Variants in BAALC observed in about 807,000 individuals in gnomAD.
BAALC encodes the protein BAALC binder of MAP3K1 and KLF4.
BAALC carries 9 observed loss-of-function variants against 15.5 expected under a neutral mutation model. The observed-to-expected ratio is 0.58, with a 90% CI of 0.35 to 1.02. The LOEUF (loss-of-function observed/expected upper bound fraction) is 1.02. Among genes scored for constraint, BAALC ranks in the 50% least tolerant of loss-of-function variants. BAALC has a pLI of 0.02. For synonymous variants in BAALC, 80 were observed against 74.6 expected (o/e 1.07, Z -0.37); for missense variants, 201 against 192.4 (o/e 1.04, Z -0.27).
intron 1 of BAALC, among the ~76,000 whole-genome samples, chr8:103,147,538 C>T (rs529210291): frequency 2.5e-4 from 38 of 152,130 alleles, no homozygotes; most frequent in African/African-American, 9.2e-4. Flanking sequence ...AGAAAGGGGT[C>T]TTTTCCTGGC....
intron 1 of BAALC, among the ~76,000 whole-genome samples, chr8:103,149,578 G>A (rs1810940545): frequency 6.6e-6 from 1 of 152,192 alleles, no homozygotes; most frequent in Non-Finnish European, 1.5e-5. Flanking sequence ...TATACGTGAA[G>A]GTGATGTTTA....
intron 1 of BAALC, among the ~76,000 whole-genome samples, chr8:103,171,190 G>T (rs944940303): frequency 1.3e-5 from 2 of 149,742 alleles, no homozygotes; most frequent in African/African-American, 4.9e-5. Context: ...GGGAGAGAGG[G>T]AGGGAGGAAG....
At chr8:103,188,121 A>G (rs1381773876) in intron 1 of BAALC, among the ~76,000 whole-genome samples, 1 of 152,108 alleles carries the variant, frequency 6.6e-6, no homozygotes, top group Non-Finnish European at 1.5e-5. Context: ...AAGTCACCTG[A>G]TGTCATGGAC....
At chr8:103,156,061 G>A (rs1216917090) in intron 1 of BAALC, among the ~76,000 whole-genome samples, 5 of 152,138 alleles carry the variant, frequency 3.3e-5, no homozygotes, top group African/African-American at 9.7e-5. Context: ...ATGAATGAGC[G>A]TGTCTGTGTT....
At chr8:103,194,414 A>C (rs1812044514) in intron 1 of BAALC, among the ~76,000 whole-genome samples, 1 of 152,208 alleles carries the variant, frequency 6.6e-6, no homozygotes, top group Non-Finnish European at 1.5e-5. Context: ...ATGTGAATTT[A>C]TCATTTTCTC....
intron 1 of BAALC, among the ~76,000 whole-genome samples, chr8:103,167,900 G>T (rs549345649): frequency 6.6e-6 from 1 of 152,266 alleles, no homozygotes; most frequent in East Asian, 1.9e-4. Context: ...ATCAAATATA[G>T]CTTCTGTTTT....
intron 1 of BAALC, among the ~76,000 whole-genome samples, chr8:103,207,660 G>A (rs905537755): frequency 6.6e-6 from 1 of 152,166 alleles, no homozygotes; most frequent in Non-Finnish European, 1.5e-5. Flanking sequence ...GGCAGGGGGA[G>A]GGGGCAGGTG....
chr8:103,155,610 G>A (rs575809657), intron 1 of BAALC, among the ~76,000 whole-genome samples: 1 of 152,186 alleles, frequency 6.6e-6, no homozygotes, highest in Non-Finnish European at 1.5e-5. Flanking sequence ...ATCCTTTAGC[G>A]GCTAACTCTC....
chr8:103,161,399 A>G (rs1399441266), intron 1 of BAALC, among the ~76,000 whole-genome samples: 1 of 152,072 alleles, frequency 6.6e-6, no homozygotes, highest in Non-Finnish European at 1.5e-5. Context: ...TACTATACCT[A>G]CTGTTCTGTC....
At chr8:103,169,665 G>A (rs922840529) in intron 1 of BAALC, among the ~76,000 whole-genome samples, 4 of 152,200 alleles carry the variant, frequency 2.6e-5, no homozygotes, top group Admixed American at 1.3e-4. Flanking sequence ...CCTACCTGGA[G>A]GGCACATGCC....
At chr8:103,172,270 T>C (rs1224908961) in intron 1 of BAALC, 1 of 151,988 alleles carries the variant, frequency 6.6e-6, no homozygotes, top group African/African-American at 2.4e-5. Flanking sequence ...TGGTTGTTGG[T>C]GAATTACAAC....
intron 1 of BAALC, among the ~76,000 whole-genome samples, chr8:103,168,391 C>T (rs975933644): frequency 3.3e-5 from 5 of 152,146 alleles, no homozygotes; most frequent in South Asian, 2.1e-4. Context: ...TAGCATAACT[C>T]GGTTAGATCA....
At chr8:103,154,815 G>T (rs1402891911) in intron 1 of BAALC, 2 of 154,238 alleles carry the variant, frequency 1.3e-5, no homozygotes, top group East Asian at 3.9e-4. Flanking sequence ...CTATTATACT[G>T]TATACTCTTA....
intron 1 of BAALC, among the ~76,000 whole-genome samples, chr8:103,155,685 T>A (rs1193469996): frequency 6.6e-6 from 1 of 152,222 alleles, no homozygotes; most frequent in Admixed American, 6.5e-5. Context: ...ACCTTACTCA[T>A]CTTTCTGCTT....
intron 1 of BAALC, among the ~76,000 whole-genome samples, chr8:103,182,698 G>T (rs1210025394): frequency 6.6e-6 from 1 of 152,188 alleles, no homozygotes; most frequent in Non-Finnish European, 1.5e-5. Flanking sequence ...AACTGACCAG[G>T]AATTCCTGGG....
rs566764088 is a variant in BAALC, at chr8:103,158,744, A to T, written c.160+17687A>T. Among the ~76,000 whole-genome samples the T allele has an allele frequency of 3.9e-5, 6 of 152,332 alleles. No individual in the cohort carries two copies. In the South Asian group the frequency reaches 1.2e-3, roughly 32 times the overall value. Reference sequence around the variant, plus strand: ...CCAGGCGAGACAAAGCAGGACAGCAAGATATTTCATCATGCTACTCAGAAT... The same window carrying T: ...CCAGGCGAGACAAAGCAGGACAGCATGATATTTCATCATGCTACTCAGAAT... On this transcript the variant is annotated intron_variant, in intron 1 of 2. Coordinates refer to ENST00000309982, the MANE Select transcript of BAALC (RefSeq NM_024812.3).
intron 1 of BAALC, among the ~76,000 whole-genome samples, chr8:103,160,332 GT>G (rs1191989424): frequency 6.6e-6 from 1 of 152,156 alleles, no homozygotes; most frequent in Admixed American, 6.6e-5. Flanking sequence ...TATGCCCTAT[GT>G]AAATGGAGAG....
intron 1 of BAALC, among the ~76,000 whole-genome samples, chr8:103,196,322 C>T (rs1812097181): frequency 6.6e-6 from 1 of 152,088 alleles, no homozygotes; most frequent in African/African-American, 2.4e-5. Flanking sequence ...ATTCTGTTGC[C>T]CAGGCTGGAG....
At chr8:103,208,256 C>T (rs1288145797) in intron 1 of BAALC, 2 of 152,194 alleles carry the variant, frequency 1.3e-5, no homozygotes, top group Admixed American at 1.3e-4. Context: ...TACAATCGCC[C>T]CATGAAGGTG....
Sources: allele counts gnomAD v4.1 joint callset (sites outside exome capture counted in the v4.1 genomes callset), GRCh38; gene constraint gnomAD v4.1.1; transcripts MANE v1.5; gene names NCBI Gene and HGNC (gene_info 2026-07-23, HGNC 2026-07-21).